Variants in CDC42SE2 observed in about 807,000 individuals in gnomAD.
CDC42SE2 encodes CDC42 small effector protein 2.
Under a neutral mutation model 11.5 loss-of-function variants are expected in CDC42SE2, and 3 were observed. The ratio of observed to expected loss-of-function variants is 0.26; its 90% CI spans 0.12 to 0.67. CDC42SE2 has a LOEUF of 0.67. CDC42SE2 is among the 30% of genes least tolerant of loss of function. The probability of loss-of-function intolerance (pLI) is 0.80; values close to 1 mark genes in which losing one functional copy is unlikely to be tolerated. For synonymous variants in CDC42SE2, 33 were observed against 34.8 expected (o/e 0.95, Z 0.18); for missense variants, 82 against 106.8 (o/e 0.77, Z 1.02).
chr5:131,292,743 AAATAAT>A (rs1308629125), intron 1 of CDC42SE2, among the ~76,000 whole-genome samples: 1 of 150,606 alleles, frequency 6.6e-6, no homozygotes, highest in Non-Finnish European at 1.5e-5. Flanking sequence ...AAAAAAATAA[AAATAAT>A]AATAAAATAA....
At chr5:131,296,945 C>T (rs894908552) in intron 1 of CDC42SE2, among the ~76,000 whole-genome samples, 2 of 151,886 alleles carry the variant, frequency 1.3e-5, no homozygotes, top group African/African-American at 4.8e-5. Context: ...AAGACCACTC[C>T]ACCTCTCTTA....
rs915982511 is a variant in CDC42SE2, at chr5:131,391,843, T to G, written c.*752T>G. On this transcript the variant is annotated 3_prime_UTR_variant, in exon 5 of 5. Transcript: ENST00000505065. ...TTGTTTTATAGGGTTATTGTGAATT[T>G]CTATATTTTCTCTGTCCACTATTCT... 6.6e-6 allele frequency: 1 copy of G among 152,362 alleles called. No homozygotes were observed. Among genetic ancestry groups the G allele is most frequent in the Non-Finnish European group, 1.5e-5 (1 of 68,072 alleles). The allele number at this position is 152,362 out of a possible 1,614,324, so 9.4% of individuals were successfully genotyped here.
At position 131,392,244 on chromosome 5, in the gene CDC42SE2, C is replaced by CATCA. The variant is rs567473459; in HGVS notation, c.*1154_*1157dup. ...GACCTGCTATTATTTGTTAATTTGC[C>CATCA]ATCATTTATGTATATTTTGGAAGGT... On this transcript the variant is annotated 3_prime_UTR_variant, in exon 5 of 5. Coordinates refer to ENST00000505065, the MANE Select transcript of CDC42SE2 (RefSeq NM_001375635.1). 2.0e-5 allele frequency: 3 copies of CATCA among 152,640 alleles called. No homozygotes were observed. In the South Asian group the frequency reaches 6.2e-4, roughly 32 times the overall value. 9.5% of individuals were successfully genotyped at this position (152,640 alleles called of 1,614,324 possible).
intron 1 of CDC42SE2, among the ~76,000 whole-genome samples, chr5:131,294,097 A>G (rs1757519983): frequency 6.6e-6 from 1 of 152,184 alleles, no homozygotes; most frequent in South Asian, 2.1e-4. Flanking sequence ...GAGGGCCACT[A>G]CATACAAGGA....
intron 2 of CDC42SE2, among the ~76,000 whole-genome samples, chr5:131,341,288 C>T (rs1435283225): frequency 6.6e-6 from 1 of 152,188 alleles, no homozygotes; most frequent in African/African-American, 2.4e-5. Flanking sequence ...AAATGTTTAA[C>T]TCTTCTAGAA....
rs76076556 is a variant in CDC42SE2, at chr5:131,305,366, A to G, written c.-454-10610A>G. 4.2e-4 allele frequency among the ~76,000 whole-genome samples: 64 copies of G among 152,322 alleles called. No individual in the cohort carries two copies. In the East Asian group the frequency reaches 0.011, roughly 25 times the overall value. On this transcript the variant is annotated intron_variant, in intron 1 of 4. Coordinates refer to ENST00000505065, the MANE Select transcript of CDC42SE2 (RefSeq NM_001375635.1). The stretch of plus-strand genomic sequence containing the variant: ...AATTGGGCAGCACTCAGAACCAGAA[A>G]AGGTTCAGAGAGCTCTGCTGTGCAA...
intron 1 of CDC42SE2, among the ~76,000 whole-genome samples, chr5:131,271,617 C>A (rs935873563): frequency 4.0e-4 from 61 of 152,044 alleles, no homozygotes; most frequent in African/African-American, 1.5e-3. Context: ...CCATGGATAC[C>A]GAGGGATGGC....
intron 1 of CDC42SE2, among the ~76,000 whole-genome samples, chr5:131,301,852 A>G (rs1757689579): frequency 6.6e-6 from 1 of 152,152 alleles, no homozygotes; most frequent in African/African-American, 2.4e-5. Context: ...CATAATATTA[A>G]GCCCCCTTCC....
intron 1 of CDC42SE2, among the ~76,000 whole-genome samples, chr5:131,311,081 A>T (rs1429826800): frequency 6.6e-6 from 1 of 151,726 alleles, no homozygotes; most frequent in East Asian, 1.9e-4. Context: ...GGCTGGTACC[A>T]GTTTTTCCTT....
chr5:131,389,552 TTC>T (rs1462572545), intron 4 of CDC42SE2, among the ~76,000 whole-genome samples: 3 of 152,338 alleles, frequency 2.0e-5, no homozygotes, highest in South Asian at 2.1e-4. Context: ...GCTATGCATT[TTC>T]TGTTTTGCCA....
intron 1 of CDC42SE2, among the ~76,000 whole-genome samples, chr5:131,277,796 C>T (rs1220473064): frequency 6.6e-6 from 1 of 152,146 alleles, no homozygotes; most frequent in African/African-American, 2.4e-5. Flanking sequence ...ATAGGTCCTC[C>T]CCATCACTGT....
chr5:131,217,530 A>G, the CDC42SE2 span, among the ~76,000 whole-genome samples: 41 of 152,254 alleles, frequency 2.7e-4, no homozygotes, highest in Non-Finnish European at 5.0e-4. Context: ...TAGGACATCA[A>G]CATGGGAAAA....
chr5:131,268,981 C>T (rs959285127), intron 1 of CDC42SE2, among the ~76,000 whole-genome samples: 1 of 151,972 alleles, frequency 6.6e-6, no homozygotes, highest in African/African-American at 2.4e-5. Flanking sequence ...GATCGCTTGA[C>T]CTCGTGATCC....
the CDC42SE2 span, among the ~76,000 whole-genome samples, chr5:131,240,351 T>G: frequency 2.0e-5 from 3 of 152,340 alleles, no homozygotes; most frequent in African/African-American, 7.2e-5. Context: ...AAACTACATT[T>G]AATATCTACT....
the CDC42SE2 span, among the ~76,000 whole-genome samples, chr5:131,213,418 C>A: frequency 6.6e-6 from 1 of 151,962 alleles, no homozygotes; most frequent in Admixed American, 6.6e-5. Context: ...ATTCCAGATA[C>A]CAATTATTTT....
At chr5:131,221,735 T>A in the CDC42SE2 span, among the ~76,000 whole-genome samples, 1 of 152,036 alleles carries the variant, frequency 6.6e-6, no homozygotes, top group Non-Finnish European at 1.5e-5. Context: ...ATTTGTTTCA[T>A]TTTTTTTCTC....
chr5:131,354,377 C>CTT (rs142843512), intron 2 of CDC42SE2, among the ~76,000 whole-genome samples: 2,004 of 152,370 alleles, frequency 0.013, 44 homozygotes, highest in African/African-American at 0.044. Flanking sequence ...ATAAGCACCT[C>CTT]TTCCTATTTG....
At chr5:131,279,079 C>T (rs192384584) in intron 1 of CDC42SE2, among the ~76,000 whole-genome samples, 1 of 152,036 alleles carries the variant, frequency 6.6e-6, no homozygotes, top group East Asian at 2.0e-4. Context: ...GCCACCACAC[C>T]TGGTGAATAT....
intron 2 of CDC42SE2, among the ~76,000 whole-genome samples, chr5:131,256,010 G>A (rs1203393534): frequency 6.6e-6 from 1 of 152,000 alleles, no homozygotes; most frequent in Admixed American, 6.6e-5. Context: ...ACCCATATCC[G>A]CCTGACACTA....
Sources: gnomAD v4.1 joint callset for allele counts (sites outside exome capture counted in the v4.1 genomes callset) on GRCh38, gnomAD v4.1.1 for gene constraint, MANE v1.5 for transcripts, NCBI Gene and HGNC (gene_info 2026-07-23, HGNC 2026-07-21) for gene names.